CERS6: variants seen among roughly 807,000 people sequenced by gnomAD.
CERS6 encodes ceramide synthase 6, also known as LAG1 homolog, ceramide synthase 6.
A neutral mutation model predicts 56.8 loss-of-function variants in CERS6; 26 were observed. The ratio of observed to expected loss-of-function variants is 0.46; its 90% CI spans 0.34 to 0.63. The LOEUF is 0.63. Among genes scored for constraint, CERS6 ranks in the 30% least tolerant of loss-of-function variants. The pLI is 0.01. For synonymous variants in CERS6, 164 were observed against 173.3 expected, an observed-to-expected ratio of 0.95 and a Z score of 0.42; for missense variants, 415 against 467.5, an observed-to-expected ratio of 0.89 and a Z score of 1.04.
At chr2:168,669,645 T>TTAAAA (rs1685857490) in intron 4 of CERS6, among the ~76,000 whole-genome samples, 1 of 152,210 alleles carries the variant, frequency 6.6e-6, no homozygotes, top group Admixed American at 6.5e-5. Flanking sequence ...CAGGAACTTG[T>TTAAAA]AAGTTAAAAA....
chr2:168,698,249 A>G (rs1326371933), intron 6 of CERS6, among the ~76,000 whole-genome samples: 1 of 8,984 alleles, frequency 1.1e-4, no homozygotes, highest in African/African-American at 1.5e-4. Flanking sequence ...AAAAAAAAAA[A>G]AAAAAGAAAA....
chr2:168,614,979 C>A (rs952764637), intron 3 of CERS6, among the ~76,000 whole-genome samples: 1 of 152,136 alleles, frequency 6.6e-6, no homozygotes, highest in African/African-American at 2.4e-5. Flanking sequence ...TTCACCCCCC[C>A]TGCCACCTCC....
intron 6 of CERS6, among the ~76,000 whole-genome samples, chr2:168,711,003 T>G (rs890138233): frequency 6.6e-6 from 1 of 152,228 alleles, no homozygotes; most frequent in Non-Finnish European, 1.5e-5. Flanking sequence ...CATCAATGTG[T>G]CATGCTGTTT....
At chr2:168,599,063 C>T (rs1028443471) in intron 3 of CERS6, among the ~76,000 whole-genome samples, 2 of 152,160 alleles carry the variant, frequency 1.3e-5, no homozygotes, top group African/African-American at 4.8e-5. Flanking sequence ...AACAATTCTG[C>T]GATGTAGGCT....
chr2:168,517,550 A>T (rs1012591307), intron 1 of CERS6, among the ~76,000 whole-genome samples: 10 of 151,682 alleles, frequency 6.6e-5, no homozygotes, highest in Non-Finnish European at 1.2e-4. Context: ...ATTAAAAAAA[A>T]AGTAAAAACA....
chr2:168,589,224 T>G (rs565970800), intron 3 of CERS6, among the ~76,000 whole-genome samples: 1 of 152,342 alleles, frequency 6.6e-6, no homozygotes, highest in South Asian at 2.1e-4. Flanking sequence ...TTTTTTTCCT[T>G]CCTTCCTTCC....
intron 2 of CERS6, 30 bp from the exon 3 acceptor site, chr2:168,561,162 A>T (rs777345252): frequency 3.1e-6 from 5 of 1,612,178 alleles, no homozygotes; most frequent in Non-Finnish European, 4.2e-6. Flanking sequence ...AATGGATTGA[A>T]AATTATTTTT....
At chr2:168,548,075 G>A (rs1278085158) in intron 2 of CERS6, among the ~76,000 whole-genome samples, 1 of 151,914 alleles carries the variant, frequency 6.6e-6, no homozygotes, top group Admixed American at 6.6e-5. Flanking sequence ...ATGTGTGTGC[G>A]AAAAAAGGGA....
chr2:168,485,540 C>G (rs1428203968), intron 1 of CERS6, among the ~76,000 whole-genome samples: 1 of 152,084 alleles, frequency 6.6e-6, no homozygotes, highest in Non-Finnish European at 1.5e-5. Context: ...AACTACTGAT[C>G]TTTTTACCAT....
At chr2:168,615,527 A>C (rs944533438) in intron 3 of CERS6, among the ~76,000 whole-genome samples, 1 of 152,164 alleles carries the variant, frequency 6.6e-6, no homozygotes, top group African/African-American at 2.4e-5. Context: ...AATAAAATAC[A>C]ATAAAAACTT....
At chr2:168,632,515 A>G (rs1405155013) in intron 4 of CERS6, among the ~76,000 whole-genome samples, 1 of 152,142 alleles carries the variant, frequency 6.6e-6, no homozygotes, top group Non-Finnish European at 1.5e-5. Context: ...ATAAGACCAT[A>G]TGGCCCAGAG....
intron 4 of CERS6, among the ~76,000 whole-genome samples, chr2:168,664,480 GTTTA>G (rs1685707546): frequency 6.6e-6 from 1 of 152,182 alleles, no homozygotes; most frequent in African/African-American, 2.4e-5. Context: ...GTGAAAGCAA[GTTTA>G]TTAAGAATGT....
At chr2:168,474,916 T>G (rs1426860887) in intron 1 of CERS6, among the ~76,000 whole-genome samples, 1 of 152,140 alleles carries the variant, frequency 6.6e-6, no homozygotes, top group Non-Finnish European at 1.5e-5. Context: ...TCCTAATAAT[T>G]TATTATCAGA....
At chr2:168,721,800 TG>T (rs1683181738) in intron 8 of CERS6, among the ~76,000 whole-genome samples, 1 of 151,868 alleles carries the variant, frequency 6.6e-6, no homozygotes, top group Non-Finnish European at 1.5e-5. Flanking sequence ...TTTATTTATT[TG>T]TAGAGACGGG....
At chr2:168,529,093 G>C (rs1039407849) in intron 1 of CERS6, among the ~76,000 whole-genome samples, 1 of 152,236 alleles carries the variant, frequency 6.6e-6, no homozygotes, top group Non-Finnish European at 1.5e-5. Flanking sequence ...CCAGGAGCAT[G>C]TGCTGTCTCA....
intron 8 of CERS6, among the ~76,000 whole-genome samples, chr2:168,737,462 T>C (rs1683751475): frequency 6.6e-6 from 1 of 152,222 alleles, no homozygotes; most frequent in African/African-American, 2.4e-5. Context: ...AATACCAGTA[T>C]TCATGGGAAA....
rs1684893984 is a variant in CERS6, at chr2:168,772,618, T to G, written c.*2956T>G. ...TCTTAGCCAGTGAGCTAAATATGGC[T>G]AAGCACAGGTCATAAGAGCACCTAA... On this transcript the variant is annotated 3_prime_UTR_variant, in exon 10 of 10. Transcript: ENST00000305747. 1 of 152,674 alleles carries G rather than the reference T, an allele frequency of 6.5e-6. No homozygotes were observed. Among genetic ancestry groups the G allele is most frequent in the Non-Finnish European group, 1.5e-5 (1 of 68,052 alleles). 9.5% of individuals were successfully genotyped at this position (152,674 alleles called of 1,614,324 possible). A position where few individuals can be genotyped will look rare whatever the true frequency, so the allele number is the denominator to read the frequency against.
chr2:168,514,894 C>G (rs1346333401), intron 1 of CERS6, among the ~76,000 whole-genome samples: 2 of 152,150 alleles, frequency 1.3e-5, no homozygotes, highest in African/African-American at 4.8e-5. Context: ...GTTCACTCGG[C>G]CAGCATAACA....
chr2:168,648,488 G>A (rs1685259299), intron 4 of CERS6, among the ~76,000 whole-genome samples: 1 of 152,000 alleles, frequency 6.6e-6, no homozygotes, highest in African/African-American at 2.4e-5. Context: ...TGGATTTGTT[G>A]ATCTTTTGAA....
Sources: allele counts gnomAD v4.1 joint callset (sites outside exome capture counted in the v4.1 genomes callset), GRCh38; gene constraint gnomAD v4.1.1; transcripts MANE v1.5; gene names NCBI Gene and HGNC (gene_info 2026-07-23, HGNC 2026-07-21).